The following DAB1 variants were observed in gnomAD, a reference collection of about 807,000 sequenced individuals.
DAB1 encodes the protein disabled homolog 1.
In DAB1, 15 loss-of-function variants were observed where a neutral mutation model predicts 64.6. That is an observed-to-expected ratio of 0.23 (90% CI 0.16 to 0.36). The LOEUF is 0.36. DAB1 is among the 10% of genes least tolerant of loss of function. The pLI, the probability that DAB1 is intolerant of heterozygous loss-of-function variation, is 1.00. For missense variants in DAB1, 596 were observed against 706.7 expected (o/e 0.84, Z 1.78); for synonymous variants, 235 against 251.9 (o/e 0.93, Z 0.64).
At chr1:57,040,016 C>T (rs1647533162) in intron 9 of DAB1, among the ~76,000 whole-genome samples, 2 of 152,056 alleles carry the variant, frequency 1.3e-5, no homozygotes, top group African/African-American at 4.8e-5. Context: ...AAGTCTTCTA[C>T]CACATGAAGG....
At chr1:57,977,627 A>G (rs866533451) in intron 5 of DAB1, among the ~76,000 whole-genome samples, 1 of 152,164 alleles carries the variant, frequency 6.6e-6, no homozygotes, top group Non-Finnish European at 1.5e-5. Context: ...TAATATATAC[A>G]CATCTCTGAA....
At chr1:57,133,255 T>A (rs1347799010) in intron 4 of DAB1, among the ~76,000 whole-genome samples, 1 of 152,048 alleles carries the variant, frequency 6.6e-6, no homozygotes. Context: ...ACCTTTAGAG[T>A]CCTGCAGTAT....
chr1:57,794,377 C>T (rs1221233556), intron 6 of DAB1, among the ~76,000 whole-genome samples: 2 of 152,216 alleles, frequency 1.3e-5, no homozygotes, highest in African/African-American at 2.4e-5. Flanking sequence ...TCCTCCAACA[C>T]ATCCTTCAGT....
chr1:57,004,615 A>C (rs558067165), intron 14 of DAB1, among the ~76,000 whole-genome samples: 20 of 152,352 alleles, frequency 1.3e-4, no homozygotes, highest in African/African-American at 4.6e-4. Flanking sequence ...CCCAGGCAGC[A>C]ACTTCAGCCT....
intron 7 of DAB1, among the ~76,000 whole-genome samples, chr1:57,478,024 G>A (rs1434003323): frequency 6.6e-6 from 1 of 151,648 alleles, no homozygotes; most frequent in African/African-American, 2.4e-5. Context: ...TTTACATTAG[G>A]TATCTCTCCT....
intron 6 of DAB1, among the ~76,000 whole-genome samples, chr1:57,799,584 CT>C (rs1298259747): frequency 8.9e-6 from 1 of 111,942 alleles, no homozygotes; most frequent in Non-Finnish European, 2.0e-5. Context: ...AAAAAAAGAT[CT>C]GGGGGGGGCT....
chr1:57,178,024 A>G (rs987420635), intron 2 of DAB1, among the ~76,000 whole-genome samples: 3 of 152,146 alleles, frequency 2.0e-5, no homozygotes, highest in Admixed American at 2.0e-4. Flanking sequence ...AAATGGGGCT[A>G]TGACTATTTG....
chr1:57,602,031 G>T (rs1645581223), intron 7 of DAB1, among the ~76,000 whole-genome samples: 1 of 152,178 alleles, frequency 6.6e-6, no homozygotes, highest in African/African-American at 2.4e-5. Flanking sequence ...GTCTCGTATA[G>T]CTTTATAGCT....
intron 7 of DAB1, among the ~76,000 whole-genome samples, chr1:57,491,979 GACTGAC>G (rs1644171307): frequency 6.6e-6 from 1 of 152,206 alleles, no homozygotes. Context: ...GCTAAAATGT[GACTGAC>G]ACATTCGGCT....
intron 6 of DAB1, among the ~76,000 whole-genome samples, chr1:57,688,548 A>C (rs1333466153): frequency 6.6e-6 from 1 of 152,214 alleles, no homozygotes; most frequent in Admixed American, 6.6e-5. Context: ...CATTTGACCC[A>C]GCAATACCAT....
At chr1:57,056,881 T>G (rs969788270) in intron 9 of DAB1, among the ~76,000 whole-genome samples, 5 of 151,126 alleles carry the variant, frequency 3.3e-5, no homozygotes, top group Non-Finnish European at 5.9e-5. Context: ...AAAAAAAAAG[T>G]TCGGTAGAAA....
At chr1:58,205,906 A>G (rs151151945) in intron 4 of DAB1, among the ~76,000 whole-genome samples, 1 of 152,316 alleles carries the variant, frequency 6.6e-6, no homozygotes, top group African/African-American at 2.4e-5. Flanking sequence ...CAGTTAGTCA[A>G]TGCCAAGTTC....
rs769144346 is a variant in DAB1, at chr1:58,470,219, G to C, written n.257+35841C>G. 8.5e-4 allele frequency among the ~76,000 whole-genome samples: 128 copies of C among 151,148 alleles called. 2 individuals carry two copies. Among genetic ancestry groups the C allele is most frequent in the Non-Finnish European group, 2.2e-4 (15 of 67,858 alleles). On this transcript the variant is annotated intron_variant and non_coding_transcript_variant, in intron 3 of 20. Coordinates refer to the DAB1 transcript ENST00000485760. ...GATGGAGTCTCATTCTGTCACCCAGGTTGGAGTGCAGTGGTGCAGTCTCGG... is the reference window on the plus strand; with the variant it reads ...GATGGAGTCTCATTCTGTCACCCAGCTTGGAGTGCAGTGGTGCAGTCTCGG...
At chr1:57,082,866 C>T (rs1443103664) in intron 4 of DAB1, among the ~76,000 whole-genome samples, 1 of 152,146 alleles carries the variant, frequency 6.6e-6, no homozygotes, top group Non-Finnish European at 1.5e-5. Flanking sequence ...TCTTGTTCCC[C>T]TTTATCAGCC....
chr1:58,542,991 A>T (rs76982267), intron 1 of DAB1, among the ~76,000 whole-genome samples: 861 of 69,354 alleles, frequency 0.012, 4 homozygotes, highest in East Asian at 0.043. Context: ...AAGCTTTTTT[A>T]AAAAAAAAAA....
At chr1:58,016,739 C>A (rs1364327871) in intron 5 of DAB1, among the ~76,000 whole-genome samples, 2 of 152,164 alleles carry the variant, frequency 1.3e-5, no homozygotes, top group African/African-American at 4.8e-5. Context: ...TAAAATATTT[C>A]TCCATTCTCC....
At chr1:57,300,987 C>T (rs564626230) in intron 1 of DAB1, among the ~76,000 whole-genome samples, 2 of 151,944 alleles carry the variant, frequency 1.3e-5, no homozygotes, top group East Asian at 3.9e-4. Context: ...CCAGGAATCA[C>T]CCAGGGACCA....
chr1:58,011,262 A>AT (rs1220943912), intron 5 of DAB1, among the ~76,000 whole-genome samples: 1 of 152,228 alleles, frequency 6.6e-6, no homozygotes, highest in Non-Finnish European at 1.5e-5. Flanking sequence ...CCAGGTGGTA[A>AT]TAAGTATTCT....
Position 58,156,629 on chromosome 1 carries a change from G to A in DAB1, n.310-6041C>T, listed in dbSNP as rs190967415. ...CAGGGCAGGGTACCTAGTCCTGAGA[G>A]GTCAAGGAAGCTTTTTTGTGTAAGG... is the stretch of plus-strand genomic sequence containing the variant. On this transcript the variant is annotated intron_variant and non_coding_transcript_variant, in intron 4 of 20. Transcript: ENST00000485760. Among the ~76,000 whole-genome samples the A allele has an allele frequency of 2.1e-3, 326 of 152,290 alleles. 4 individuals are homozygous for A. The highest frequency in any genetic ancestry group is 7.4e-3 in the African/African-American group (309 of 41,560).
Sources: gnomAD v4.1 joint callset for allele counts (sites outside exome capture counted in the v4.1 genomes callset) on GRCh38, gnomAD v4.1.1 for gene constraint, MANE v1.5 for transcripts, NCBI Gene and HGNC (gene_info 2026-07-23, HGNC 2026-07-21) for gene names.